TOX: variants seen among roughly 807,000 people sequenced by gnomAD.
TOX encodes the protein thymocyte selection associated high mobility group box.
A neutral mutation model predicts 53.7 loss-of-function variants in TOX; 11 were observed. That is an observed-to-expected ratio of 0.20 (90% CI 0.13 to 0.34). The LOEUF (loss-of-function observed/expected upper bound fraction) is 0.34. TOX is among the 10% of genes least tolerant of loss of function. The pLI, the probability that TOX is intolerant of heterozygous loss-of-function variation, is 1.00. For synonymous variants in TOX, 225 were observed against 245.3 expected (o/e 0.92, Z 0.77); for missense variants, 570 against 664.6 (o/e 0.86, Z 1.56).
chr8:59,046,828 C>T (rs1803691346), intron 1 of TOX, among the ~76,000 whole-genome samples: 1 of 127,882 alleles, frequency 7.8e-6, no homozygotes, highest in Admixed American at 9.4e-5. Context: ...CACTGCACTC[C>T]AGCCTGGGAG....
chr8:58,927,476 C>T (rs578214794), intron 3 of TOX, among the ~76,000 whole-genome samples: 1 of 152,316 alleles, frequency 6.6e-6, no homozygotes, highest in South Asian at 2.1e-4. Context: ...CTGTCCATCC[C>T]TGTGCTCTGC....
intron 6 of TOX, among the ~76,000 whole-genome samples, chr8:58,819,800 A>G (rs1182328633): frequency 6.6e-6 from 1 of 152,226 alleles, no homozygotes; most frequent in Non-Finnish European, 1.5e-5. Context: ...AAATCAGTGG[A>G]AGGAACAATA....
intron 3 of TOX, among the ~76,000 whole-genome samples, chr8:58,877,110 TC>T (rs772325836): frequency 3.2e-4 from 49 of 152,312 alleles, no homozygotes; most frequent in South Asian, 2.1e-3. Flanking sequence ...ATGTCCTAGT[TC>T]CTGAGATCTC....
intron 2 of TOX, among the ~76,000 whole-genome samples, chr8:58,946,611 C>G (rs1812526685): frequency 6.6e-6 from 1 of 152,140 alleles, no homozygotes; most frequent in South Asian, 2.1e-4. Context: ...AGCAATAAAT[C>G]ATCTTCATTT....
intron 3 of TOX, among the ~76,000 whole-genome samples, chr8:58,856,464 G>C (rs910957866): frequency 6.6e-6 from 1 of 152,176 alleles, no homozygotes; most frequent in Non-Finnish European, 1.5e-5. Flanking sequence ...AGTATAAACT[G>C]ACTTTAACTA....
chr8:58,818,319 A>C (rs1810213960), intron 6 of TOX, among the ~76,000 whole-genome samples: 1 of 152,284 alleles, frequency 6.6e-6, no homozygotes, highest in Non-Finnish European at 1.5e-5. Flanking sequence ...TTCAGACAAC[A>C]CTTGAAACAT....
intron 4 of TOX, among the ~76,000 whole-genome samples, chr8:58,840,887 C>T (rs6471753): frequency 0.063 from 9,547 of 152,166 alleles, 614 homozygotes; most frequent in African/African-American, 0.16. Flanking sequence ...TGTGAGGGCC[C>T]TCTCTCCCAC....
At chr8:59,076,418 A>G (rs144647577) in intron 1 of TOX, among the ~76,000 whole-genome samples, 119 of 152,356 alleles carry the variant, frequency 7.8e-4, no homozygotes, top group South Asian at 2.5e-3. Flanking sequence ...CTTTGCCTAT[A>G]TGCTGAAAGA....
Position 59,118,247 on chromosome 8 carries a change from A to G in TOX, c.102+639T>C, listed in dbSNP as rs370301527. Among the ~76,000 whole-genome samples the G allele has an allele frequency of 4.6e-5, 7 of 152,320 alleles. No homozygotes were observed. The East Asian group carries it at 1.4e-3, about 29-fold the overall frequency. On this transcript the variant is annotated intron_variant, in intron 1 of 8. Coordinates refer to ENST00000361421, the MANE Select transcript of TOX (RefSeq NM_014729.3). The surrounding 1 kb of genome is among the most constrained non-coding windows in gnomAD (Gnocchi z 4.1). The stretch of plus-strand genomic sequence containing the variant: ...CAATTTCCGCGCGCACCCCTTAAAC[A>G]GGAACTGTTCCCCAAACCTTGACCC...
At chr8:58,856,990 T>A (rs1810928392) in intron 3 of TOX, among the ~76,000 whole-genome samples, 3 of 152,096 alleles carry the variant, frequency 2.0e-5, no homozygotes, top group Non-Finnish European at 2.9e-5. Flanking sequence ...CCCAACATAA[T>A]CCTAACTGAT....
At chr8:59,105,107 A>G (rs1401604535) in intron 1 of TOX, among the ~76,000 whole-genome samples, 1 of 152,232 alleles carries the variant, frequency 6.6e-6, no homozygotes, top group Non-Finnish European at 1.5e-5. Context: ...TAACAAGCGC[A>G]TTCCAAATTT....
At chr8:59,006,806 C>CT (rs1813798488) in intron 1 of TOX, among the ~76,000 whole-genome samples, 2 of 152,146 alleles carry the variant, frequency 1.3e-5, no homozygotes, top group Non-Finnish European at 2.9e-5. Flanking sequence ...TAAATGGGAT[C>CT]TTTTTGTGCA....
intron 1 of TOX, among the ~76,000 whole-genome samples, chr8:59,022,520 G>A (rs1278515760): frequency 6.6e-6 from 1 of 152,146 alleles, no homozygotes; most frequent in Admixed American, 6.5e-5. Context: ...TGCACATTCA[G>A]CTCCGTAATT....
At chr8:58,879,972 T>C (rs1811356155) in intron 3 of TOX, among the ~76,000 whole-genome samples, 1 of 152,336 alleles carries the variant, frequency 6.6e-6, no homozygotes, top group South Asian at 2.1e-4. Context: ...AGGATTATTA[T>C]GTTTTATTAT....
intron 1 of TOX, 118 bp from the exon 2 acceptor site, chr8:58,960,126 T>C: frequency 2.8e-6 from 3 of 1,079,786 alleles, no homozygotes; most frequent in South Asian, 2.8e-5. Flanking sequence ...TAAAAAATAC[T>C]GCGGCTGGGA....
intron 3 of TOX, among the ~76,000 whole-genome samples, chr8:58,864,246 T>C (rs975316240): frequency 6.6e-6 from 1 of 152,180 alleles, no homozygotes; most frequent in Non-Finnish European, 1.5e-5. Context: ...GGCTAAAAGC[T>C]ATCTGACAGT....
chr8:58,817,164 G>A (rs1018416240), intron 6 of TOX, among the ~76,000 whole-genome samples: 1 of 152,078 alleles, frequency 6.6e-6, no homozygotes, highest in Non-Finnish European at 1.5e-5. Context: ...TATAAAGTAA[G>A]GTGTACTGAA....
In TOX at chr8:58,974,667, G is replaced by A. The variant is rs117063925; in HGVS notation, c.103-14659C>T. On this transcript the variant is annotated intron_variant, in intron 1 of 8. Transcript: ENST00000361421. ...AAACTTTGGAGTTATAATCACTCTC[G>A]GTGACTATAGAATAACAAAATAAAT... Among the ~76,000 whole-genome samples, 665 of 151,266 alleles carry A rather than the reference G, an allele frequency of 4.4e-3. 3 individuals are homozygous for A. The highest frequency in any genetic ancestry group is 6.3e-3 in the Admixed American group (96 of 15,158).
intron 1 of TOX, among the ~76,000 whole-genome samples, chr8:59,109,881 A>G (rs368734659): frequency 6.6e-6 from 1 of 152,166 alleles, no homozygotes; most frequent in Non-Finnish European, 1.5e-5. Flanking sequence ...ATTATTTAGC[A>G]TTACAAGTTC....
Sources: gnomAD v4.1 joint callset for allele counts (sites outside exome capture counted in the v4.1 genomes callset) on GRCh38, gnomAD v4.1.1 for gene constraint, Gnocchi (gnomAD v3.1) non-coding constraint, MANE v1.5 for transcripts, NCBI Gene and HGNC (gene_info 2026-07-23, HGNC 2026-07-21) for gene names.